TOX3: variants seen among roughly 807,000 people sequenced by gnomAD.
TOX3 encodes the protein CAG trinucleotide repeat-containing gene F9 protein.
Under a neutral mutation model 64.3 loss-of-function variants are expected in TOX3, and 22 were observed. The ratio of observed to expected loss-of-function variants is 0.34; its 90% CI spans 0.24 to 0.49. TOX3 has a LOEUF of 0.49. TOX3 is among the 20% of genes least tolerant of loss of function. The pLI, the probability that TOX3 is intolerant of heterozygous loss-of-function variation, is 0.99. For synonymous variants in TOX3, 291 were observed against 273.6 expected (o/e 1.06, Z -0.63); for missense variants, 661 against 714.4 (o/e 0.93, Z 0.85).
In TOX3 at chr16:52,488,604, A is replaced by G. The variant is rs568262771; in HGVS notation, c.88-20030T>C. Reference sequence around the variant, plus strand: ...GCAATACCAAGTATAGAGAAGGAAAACAAAAGTTAAAAAAGTAAAGCAGAC... The same window carrying G: ...GCAATACCAAGTATAGAGAAGGAAAGCAAAAGTTAAAAAAGTAAAGCAGAC... On this transcript the variant is annotated intron_variant, in intron 1 of 6. Coordinates refer to ENST00000219746, the MANE Select transcript of TOX3 (RefSeq NM_001080430.4). 3.3e-5 allele frequency among the ~76,000 whole-genome samples: 5 copies of G among 152,308 alleles called. No individual in the cohort carries two copies. The South Asian group carries it at 1.0e-3, about 32-fold the overall frequency.
intron 1 of TOX3, among the ~76,000 whole-genome samples, chr16:52,534,613 G>T (rs1962912920): frequency 6.6e-6 from 1 of 151,766 alleles, no homozygotes; most frequent in Admixed American, 6.6e-5. Flanking sequence ...TCCAGCCGGG[G>T]CAACACAACA....
At chr16:52,515,747 T>G (rs1962436574) in intron 1 of TOX3, among the ~76,000 whole-genome samples, 1 of 152,338 alleles carries the variant, frequency 6.6e-6, no homozygotes, top group South Asian at 2.1e-4. Context: ...ATAAGCTAAA[T>G]TCCTTCTTTT....
chr16:52,507,453 T>C (rs1962189214), intron 1 of TOX3, among the ~76,000 whole-genome samples: 1 of 152,212 alleles, frequency 6.6e-6, no homozygotes, highest in African/African-American at 2.4e-5. Flanking sequence ...TTTAAAGAAC[T>C]GCTGCAGGCT....
intron 1 of TOX3, among the ~76,000 whole-genome samples, chr16:52,517,451 T>C (rs1449497151): frequency 6.6e-6 from 1 of 151,960 alleles, no homozygotes; most frequent in East Asian, 1.9e-4. Flanking sequence ...AAGTATTCTC[T>C]TGTCATACAG....
At chr16:52,493,663 C>T (rs1481162744) in intron 1 of TOX3, among the ~76,000 whole-genome samples, 1 of 152,148 alleles carries the variant, frequency 6.6e-6, no homozygotes, top group Non-Finnish European at 1.5e-5. Context: ...CCTACTCCAT[C>T]ACAGAATCAT....
chr16:52,498,494 A>C (rs1961910106), intron 1 of TOX3, among the ~76,000 whole-genome samples: 1 of 152,160 alleles, frequency 6.6e-6, no homozygotes, highest in South Asian at 2.1e-4. Flanking sequence ...CCCCCGCATG[A>C]TCCTGGTACC....
At chr16:52,497,793 T>A (rs967031622) in intron 1 of TOX3, among the ~76,000 whole-genome samples, 1 of 152,164 alleles carries the variant, frequency 6.6e-6, no homozygotes, top group African/African-American at 2.4e-5. Context: ...TTTTTTTTAA[T>A]GTTTAGGGCC....
At chr16:52,536,626 ACTATATATATAT>A (rs1215895787) in intron 1 of TOX3, among the ~76,000 whole-genome samples, 2 of 79,334 alleles carry the variant, frequency 2.5e-5, no homozygotes, top group Admixed American at 3.0e-4. Flanking sequence ...ATAGATATAC[ACTATATATATAT>A]ATATATATAT....
chr16:52,481,981 AT>A (rs1348327991), intron 1 of TOX3, among the ~76,000 whole-genome samples: 3 of 152,206 alleles, frequency 2.0e-5, no homozygotes, highest in Non-Finnish European at 4.4e-5. Context: ...CCAACCAACT[AT>A]TCCAAAATCT....
intron 1 of TOX3, among the ~76,000 whole-genome samples, chr16:52,543,204 A>G (rs899320698): frequency 6.6e-6 from 1 of 152,224 alleles, no homozygotes; most frequent in Non-Finnish European, 1.5e-5. Flanking sequence ...TGACAACTAC[A>G]GGTTGAGTAT....
At position 52,450,377 on chromosome 16, in the gene TOX3, G is replaced by A. The variant is rs1960297751; in HGVS notation, c.578C>T (p.Ala193Val). Residue 193 changes from alanine (A) to valine (V), a missense_variant, in exon 4 of 7, where the codon GCC becomes GTC. Ala to Val is a moderately conservative substitution (Grantham distance 64, BLOSUM62 0). Around this residue, in one of 3 missense-constraint regions of TOX3, gnomAD observed 259 missense variants for 261.2 expected, o/e 0.99. Coordinates refer to ENST00000219746, the MANE Select transcript of TOX3 (RefSeq NM_001080430.4). ...TGAAGGAGATGTGTGAGGCATACTG[G>A]CACCTCCCAAATTCAACCCCAACTG... Reference protein sequence around the residue: ...SAQLGLNLGGASMPHTSPSPP... With the variant: ...SAQLGLNLGGVSMPHTSPSPP... 1 of 1,614,006 alleles carries A rather than the reference G, an allele frequency of 6.2e-7. No homozygotes were observed. The highest frequency in any genetic ancestry group is 8.5e-7 in the Non-Finnish European group (1 of 1,179,880).
chr16:52,444,286 A>G lies in TOX3; in HGVS notation c.977T>C (p.Leu326Pro). ...LKALAAYRAS[L>P]VSKAAAESAE... ...CCTGCCCAGGTTTACCTTAGAAACG[A>G]GGCTGGCCCTGTATGCCGCCAGGGC... Residue 326 changes from leucine to proline, a missense_variant, in exon 6 of 7, where the codon CTC becomes CCC. By Grantham distance (98) the Leu-to-Pro change is moderately conservative. Transcript: ENST00000219746. 1.3e-6 allele frequency: 2 copies of G among 1,578,830 alleles called. No homozygotes were observed. Among genetic ancestry groups the G allele is most frequent in the Non-Finnish European group, 1.7e-6 (2 of 1,158,964 alleles).
intron 1 of TOX3, among the ~76,000 whole-genome samples, chr16:52,507,782 C>A (rs890784983): frequency 1.3e-5 from 2 of 152,170 alleles, no homozygotes; most frequent in Non-Finnish European, 2.9e-5. Flanking sequence ...TACAGTGTGT[C>A]TATGATCTTA....
chr16:52,450,044 T>G (rs960192638), intron 4 of TOX3, among the ~76,000 whole-genome samples: 12 of 152,330 alleles, frequency 7.9e-5, no homozygotes, highest in African/African-American at 2.9e-4. Context: ...TTAAATAACA[T>G]GTCCAATGCC....
At chr16:52,543,273 G>T (rs1341324788) in intron 1 of TOX3, among the ~76,000 whole-genome samples, 1 of 152,082 alleles carries the variant, frequency 6.6e-6, no homozygotes, top group African/African-American at 2.4e-5. Flanking sequence ...TTGGATTTTG[G>T]AATATTTGCA....
chr16:52,468,920 G>T (rs1057305826), intron 1 of TOX3, among the ~76,000 whole-genome samples: 4 of 152,150 alleles, frequency 2.6e-5, no homozygotes, highest in African/African-American at 4.8e-5. Flanking sequence ...AAATCACCTT[G>T]ACACATTTTA....
At chr16:52,487,983 C>A (rs941655019) in intron 1 of TOX3, among the ~76,000 whole-genome samples, 2 of 152,148 alleles carry the variant, frequency 1.3e-5, no homozygotes, top group South Asian at 2.1e-4. Flanking sequence ...TGAATCCTTT[C>A]CCCTTTCATC....
At chr16:52,522,721 A>G (rs1183000708) in intron 1 of TOX3, among the ~76,000 whole-genome samples, 1 of 152,132 alleles carries the variant, frequency 6.6e-6, no homozygotes, top group African/African-American at 2.4e-5. Flanking sequence ...CTGGGAAAAA[A>G]TGGTCACCCT....
At chr16:52,450,221 C>T in intron 4 of TOX3, 56 bp downstream of exon 4, 1 of 1,595,466 alleles carries the variant, frequency 6.3e-7, no homozygotes, top group Non-Finnish European at 8.6e-7. Context: ...ATTCAAACAG[C>T]ATGGGGTAAT....
Sources: gnomAD v4.1 joint callset for allele counts (sites outside exome capture counted in the v4.1 genomes callset) on GRCh38, gnomAD v4.1.1 for gene constraint, gnomAD v4.1.1 regional missense constraint, MANE v1.5 for transcripts, NCBI Gene and HGNC (gene_info 2026-07-23, HGNC 2026-07-21) for gene names.